The following GRID2 variants were observed in gnomAD, a reference collection of about 807,000 sequenced individuals.
GRID2 encodes glutamate receptor ionotropic, delta-2.
Under a neutral mutation model 114.8 loss-of-function variants are expected in GRID2, and 33 were observed. That is an observed-to-expected ratio of 0.29 (90% CI 0.22 to 0.38). The LOEUF (loss-of-function observed/expected upper bound fraction) is 0.38. Among genes scored for constraint, GRID2 ranks in the 10% least tolerant of loss-of-function variants. The pLI, the probability that GRID2 is intolerant of heterozygous loss-of-function variation, is 1.00. For synonymous variants in GRID2, 505 were observed against 449.9 expected (o/e 1.12, Z -1.55); for missense variants, 1,184 against 1,257.7 (o/e 0.94, Z 0.89).
chr4:93,373,016 A>G (rs1763072597), intron 8 of GRID2, among the ~76,000 whole-genome samples: 1 of 152,142 alleles, frequency 6.6e-6, no homozygotes, highest in Non-Finnish European at 1.5e-5. Context: ...GGTGGTGGAT[A>G]CAGGTGTTCA....
At chr4:92,710,075 GTTTTA>G (rs1246438665) in intron 2 of GRID2, among the ~76,000 whole-genome samples, 1 of 151,786 alleles carries the variant, frequency 6.6e-6, no homozygotes, top group Non-Finnish European at 1.5e-5. Flanking sequence ...TATATTACTT[GTTTTA>G]TTAGTTTTAA....
At chr4:92,487,817 C>T (rs575879444) in intron 1 of GRID2, among the ~76,000 whole-genome samples, 5 of 151,884 alleles carry the variant, frequency 3.3e-5, no homozygotes, top group Admixed American at 6.6e-5. Context: ...GTTCTTGGAT[C>T]GGCAGTTTTG....
At chr4:93,411,223 T>C (rs1180282124) in intron 9 of GRID2, among the ~76,000 whole-genome samples, 2 of 152,152 alleles carry the variant, frequency 1.3e-5, no homozygotes, top group African/African-American at 2.4e-5. Context: ...TTTGAGGTAA[T>C]TGAGGTCCCA....
At chr4:93,631,984 T>A (rs1720941354) in intron 14 of GRID2, among the ~76,000 whole-genome samples, 1 of 152,214 alleles carries the variant, frequency 6.6e-6, no homozygotes, top group Admixed American at 6.6e-5. Context: ...GAGCATTTTT[T>A]CATGTCCCTT....
At chr4:92,678,416 T>C (rs960225465) in intron 2 of GRID2, among the ~76,000 whole-genome samples, 3 of 152,110 alleles carry the variant, frequency 2.0e-5, no homozygotes, top group African/African-American at 7.2e-5. Context: ...ACCTTTACTT[T>C]ATGACTAAGG....
At chr4:93,673,844 A>G (rs1724631091) in intron 14 of GRID2, among the ~76,000 whole-genome samples, 1 of 152,198 alleles carries the variant, frequency 6.6e-6, no homozygotes, top group Non-Finnish European at 1.5e-5. Context: ...ATGTGTGATC[A>G]TACTTCACAT....
chr4:92,687,588 G>C (rs190874763), intron 2 of GRID2, among the ~76,000 whole-genome samples: 2 of 152,270 alleles, frequency 1.3e-5, no homozygotes, highest in East Asian at 3.9e-4. Flanking sequence ...CCAGCACTTG[G>C]GGAGGCCGAG....
chr4:93,141,549 T>C (rs1209147847), intron 4 of GRID2, among the ~76,000 whole-genome samples: 3 of 152,126 alleles, frequency 2.0e-5, no homozygotes, highest in Non-Finnish European at 4.4e-5. Flanking sequence ...GGGTATTCTT[T>C]AAAGCTTTTG....
In GRID2 at chr4:92,463,939, A is replaced by AT. The variant is rs369221307; in HGVS notation, c.89-126183dup. Among the ~76,000 whole-genome samples the AT allele has an allele frequency of 5.0e-3, 759 of 150,522 alleles. 24 individuals carry two copies. The East Asian group carries it at 0.079, about 16-fold the overall frequency. On this transcript the variant is annotated intron_variant, in intron 1 of 15. Transcript: ENST00000282020. ...TCCTTTTTTCCCTTTTCTTTTAAACATTTTTTTTTATTCATTTGCTCTTTT... is the reference window on the plus strand; with the variant it reads ...TCCTTTTTTCCCTTTTCTTTTAAACATTTTTTTTTTATTCATTTGCTCTTTT...
chr4:92,807,063 G>A (rs529531655), intron 2 of GRID2, among the ~76,000 whole-genome samples: 1 of 151,840 alleles, frequency 6.6e-6, no homozygotes, highest in African/African-American at 2.4e-5. Context: ...AATTGTAAAG[G>A]CTCAGTTTTC....
downstream of GRID2, among the ~76,000 whole-genome samples, chr4:93,776,395 A>C (rs572511020): frequency 6.6e-6 from 1 of 152,364 alleles, no homozygotes; most frequent in East Asian, 1.9e-4. Flanking sequence ...AAGTCAGAGA[A>C]TAAAGCTATA....
At chr4:92,676,291 T>G (rs975474055) in intron 2 of GRID2, among the ~76,000 whole-genome samples, 9 of 150,282 alleles carry the variant, frequency 6.0e-5, no homozygotes, top group African/African-American at 2.2e-4. Flanking sequence ...GCCCTTCTCC[T>G]GCCTCAGCCT....
chr4:93,605,565 G>A (rs1306066819), intron 13 of GRID2, among the ~76,000 whole-genome samples: 1 of 152,108 alleles, frequency 6.6e-6, no homozygotes, highest in Non-Finnish European at 1.5e-5. Context: ...TTTGAGAATT[G>A]GAATATAGTA....
chr4:92,840,527 T>G (rs1171752095), intron 2 of GRID2, among the ~76,000 whole-genome samples: 1 of 152,008 alleles, frequency 6.6e-6, no homozygotes, highest in African/African-American at 2.4e-5. Context: ...CCAGATGAAC[T>G]GTCTTTTTGA....
intron 2 of GRID2, among the ~76,000 whole-genome samples, chr4:92,833,062 A>T (rs1428164572): frequency 7.9e-5 from 12 of 152,196 alleles, no homozygotes; most frequent in Non-Finnish European, 8.8e-5. Flanking sequence ...CTTAAAGTAT[A>T]TGCTAGTGCA....
chr4:93,036,220 G>A (rs1171571505), intron 2 of GRID2, among the ~76,000 whole-genome samples: 1 of 151,936 alleles, frequency 6.6e-6, no homozygotes, highest in Non-Finnish European at 1.5e-5. Context: ...TATACATGGT[G>A]CACTGAAAAA....
chr4:93,097,792 G>A (rs1731350807), intron 3 of GRID2, among the ~76,000 whole-genome samples: 1 of 151,790 alleles, frequency 6.6e-6, no homozygotes, highest in South Asian at 2.1e-4. Flanking sequence ...GACATTTCTA[G>A]TTGTCAAAAA....
chr4:93,266,748 G>A (rs1297504530), intron 8 of GRID2, among the ~76,000 whole-genome samples: 1 of 152,148 alleles, frequency 6.6e-6, no homozygotes, highest in Admixed American at 6.5e-5. Context: ...CTTGTTAAAA[G>A]GGGATCTCTT....
At chr4:92,668,872 C>A (rs1433880080) in intron 2 of GRID2, among the ~76,000 whole-genome samples, 1 of 151,796 alleles carries the variant, frequency 6.6e-6, no homozygotes, top group African/African-American at 2.4e-5. Context: ...AGATTGACAA[C>A]ATTAAGTATA....
Sources: allele counts gnomAD v4.1 joint callset (sites outside exome capture counted in the v4.1 genomes callset), GRCh38; gene constraint gnomAD v4.1.1; transcripts MANE v1.5; gene names NCBI Gene and HGNC (gene_info 2026-07-23, HGNC 2026-07-21).